The following PTCH1 variants were observed in gnomAD, a reference collection of about 807,000 sequenced individuals.
PTCH1 encodes the protein patched 1.
Under a neutral mutation model 144.6 loss-of-function variants are expected in PTCH1, and 14 were observed. That is an observed-to-expected ratio of 0.10 (90% CI 0.06 to 0.15). The LOEUF (loss-of-function observed/expected upper bound fraction) is 0.15. Among genes scored for constraint, PTCH1 ranks in the 10% least tolerant of loss-of-function variants. The pLI, the probability that PTCH1 is intolerant of heterozygous loss-of-function variation, is 1.00. For missense variants in PTCH1, 1,623 were observed against 1,948.3 expected, an observed-to-expected ratio of 0.83 and a Z score of 3.14; for synonymous variants, 833 against 793.6, an observed-to-expected ratio of 1.05 and a Z score of -0.83.
At position 95,485,654 on chromosome 9, in the gene PTCH1, C is replaced by A. The variant is rs368059075; in HGVS notation, c.584+31G>T. 3.7e-6 allele frequency: 6 copies of A among 1,613,616 alleles called. No individual in the cohort carries two copies. The African/African-American group carries it at 8.0e-5, about 22-fold the overall frequency. On this transcript the variant is annotated intron_variant, in intron 3 of 23. Transcript: ENST00000331920. The stretch of plus-strand genomic sequence containing the variant: ...CCTTCTCCCACCGCCTTACCTGCTG[C>A]TCATTAGTAGGTGGACGCGGCGGGC...
chr9:95,496,537 T>TA (rs1209174758), intron 2 of PTCH1, among the ~76,000 whole-genome samples: 3,654 of 127,914 alleles, frequency 0.029, 118 homozygotes, highest in East Asian at 0.093. Flanking sequence ...TGTAGCCTAT[T>TA]AAAAAAAAAA....
rs116870287 is a variant in PTCH1, at chr9:95,446,571, C to T, written c.*2-180G>A. 1,324 of 449,638 alleles carry T rather than the reference C, an allele frequency of 2.9e-3. 3 individuals carry two copies. The highest frequency in any genetic ancestry group is 4.9e-3 in the Non-Finnish European group (1,142 of 235,422). The allele number at this position is 449,638 out of a possible 1,614,324, so 27.9% of individuals were successfully genotyped here. Reference sequence around the variant, plus strand: ...TCCCTTCATCTGGGGGCTGGTTACACGGATGCGTTCCCATGTGACCAATTC... The same window carrying T: ...TCCCTTCATCTGGGGGCTGGTTACATGGATGCGTTCCCATGTGACCAATTC... On this transcript the variant is annotated intron_variant, in intron 23 of 23. Coordinates refer to ENST00000331920, the MANE Select transcript of PTCH1 (RefSeq NM_000264.5).
chr9:95,483,465 C>G (rs1321501813), intron 3 of PTCH1: 1 of 151,390 alleles, frequency 6.6e-6, no homozygotes, highest in East Asian at 1.9e-4. Flanking sequence ...CCCAACTGCT[C>G]TATTCTTGGC....
chr9:95,507,876 GA>G, intron 1 of PTCH1: 3 of 1,254,940 alleles, frequency 2.4e-6, no homozygotes, highest in East Asian at 3.7e-5. Context: ...CAGTGCTCCG[GA>G]AAAGGCACAC....
intron 1 of PTCH1, 63 bp downstream of exon 1, chr9:95,508,097 CG>C (rs2118905076): frequency 1.3e-6 from 2 of 1,597,912 alleles, no homozygotes; most frequent in Non-Finnish European, 8.5e-7. Flanking sequence ...TTGTGTGTGG[CG>C]GGGGCGATCC....
At chr9:95,516,040 G>C (rs544227884) in intron 1 of PTCH1, among the ~76,000 whole-genome samples, 1 of 151,996 alleles carries the variant, frequency 6.6e-6, no homozygotes, top group African/African-American at 2.4e-5. Flanking sequence ...TCCATCACCA[G>C]CTCTGCCTCC....
chr9:95,484,905 T>C (rs922673889), intron 3 of PTCH1, among the ~76,000 whole-genome samples: 3 of 152,174 alleles, frequency 2.0e-5, no homozygotes, highest in Non-Finnish European at 4.4e-5. Flanking sequence ...AAACATGACT[T>C]TTTAAAAAGG....
intron 12 of PTCH1, 47 bp downstream of exon 12, chr9:95,475,987 C>T (rs1026357234): frequency 6.2e-7 from 1 of 1,611,674 alleles, no homozygotes; most frequent in East Asian, 2.2e-5. Context: ...TGCTGGAAGT[C>T]AGTGCCCCGT....
chr9:95,503,520 C>T (rs1587683752), intron 2 of PTCH1, among the ~76,000 whole-genome samples: 2 of 152,154 alleles, frequency 1.3e-5, no homozygotes, highest in Admixed American at 6.5e-5. Context: ...ATGAAACTGT[C>T]GCTTCTTCTC....
chr9:95,507,940 C>A (rs914573056), intron 1 of PTCH1: 12 of 1,451,010 alleles, frequency 8.3e-6, no homozygotes, highest in Non-Finnish European at 1.1e-5. Context: ...ACACCTCCAC[C>A]CCCTGCGGAC....
In PTCH1 at chr9:95,461,842, A is replaced by G. The variant is rs764551190; in HGVS notation, c.2703+14T>C. The G allele has an allele frequency of 1.4e-5, 23 of 1,613,984 alleles. No homozygotes were observed. The Admixed American group carries it at 3.2e-4, about 22-fold the overall frequency. ...AGCCCTGGAAGCGCCCTCAGTGCCC[A>G]GCAGCTGGAGTACCTGGCTGATGTC... is the stretch of plus-strand genomic sequence containing the variant. On this transcript the variant is annotated intron_variant, in intron 16 of 23. Coordinates refer to ENST00000331920, the MANE Select transcript of PTCH1 (RefSeq NM_000264.5).
At chr9:95,467,084 C>G (rs2066837) in intron 15 of PTCH1, 32 bp downstream of exon 15, 48 of 1,608,604 alleles carry the variant, frequency 3.0e-5, no homozygotes, top group South Asian at 3.3e-5. Flanking sequence ...CGCAAAAGAC[C>G]GAAAGGACGA....
intron 2 of PTCH1, among the ~76,000 whole-genome samples, chr9:95,505,512 C>T (rs182076313): frequency 2.6e-5 from 4 of 152,270 alleles, no homozygotes; most frequent in African/African-American, 7.2e-5. Context: ...AAATATATAT[C>T]TATTTTAAAT....
chr9:95,511,379 A>G (rs1470863468), upstream of PTCH1, among the ~76,000 whole-genome samples: 2 of 151,872 alleles, frequency 1.3e-5, no homozygotes, highest in Middle Eastern at 6.8e-3. Flanking sequence ...CCCCGGCTTC[A>G]GGGGGAGGCC....
intron 15 of PTCH1, among the ~76,000 whole-genome samples, chr9:95,465,077 T>A (rs545967825): frequency 1.8e-4 from 28 of 151,724 alleles, no homozygotes; most frequent in Admixed American, 1.5e-3. Flanking sequence ...ATGATTCAAA[T>A]GCACCTTAAA....
chr9:95,467,040 T>G, intron 15 of PTCH1, 76 bp downstream of exon 15: 2 of 1,490,884 alleles, frequency 1.3e-6, no homozygotes, highest in Middle Eastern at 1.8e-4. Flanking sequence ...AACGCTCTCA[T>G]AATCATGACA....
At chr9:95,467,524 C>A (rs1451113802) in intron 14 of PTCH1, 99 bp from the exon 15 acceptor site, 1 of 1,186,010 alleles carries the variant, frequency 8.4e-7, no homozygotes, top group Non-Finnish European at 1.2e-6. Context: ...TTCACCACCA[C>A]ACTTAAACTG....
intron 15 of PTCH1, among the ~76,000 whole-genome samples, chr9:95,464,966 G>C (rs773284579): frequency 6.6e-6 from 1 of 152,148 alleles, no homozygotes; most frequent in Non-Finnish European, 1.5e-5. Flanking sequence ...GACCCTGTAA[G>C]AGTCAGTCAT....
At position 95,446,288 on chromosome 9, in the gene PTCH1, C is replaced by G. The variant is rs142840663; in HGVS notation, c.*105G>C. ...AATGAACTGCTGTCCTGGCACAGGG[C>G]ATCTTTTCCATAACTCCAACCAGTT... On this transcript the variant is annotated 3_prime_UTR_variant, in exon 24 of 24. Coordinates refer to ENST00000331920, the MANE Select transcript of PTCH1 (RefSeq NM_000264.5). 4 of 492,574 alleles carry G rather than the reference C, an allele frequency of 8.1e-6. No individual in the cohort carries two copies. The highest frequency in any genetic ancestry group is 7.9e-5 in the African/African-American group (4 of 50,638). The allele number at this position is 492,574 out of a possible 1,614,324, so 30.5% of individuals were successfully genotyped here.
Sources: gnomAD v4.1 joint callset for allele counts (sites outside exome capture counted in the v4.1 genomes callset) on GRCh38, gnomAD v4.1.1 for gene constraint, MANE v1.5 for transcripts, NCBI Gene and HGNC (gene_info 2026-07-23, HGNC 2026-07-21) for gene names.